The following GRM7 variants were observed in gnomAD, a reference collection of about 807,000 sequenced individuals.
GRM7 encodes glutamate metabotropic receptor 7, also known as metabotropic glutamate receptor 7.
In GRM7, 35 loss-of-function variants were observed where a neutral mutation model predicts 84.5. The observed-to-expected ratio is 0.41, with a 90% CI of 0.32 to 0.55. The LOEUF (loss-of-function observed/expected upper bound fraction) is 0.55, where lower values mean the gene tolerates loss of function less well. Ranked by LOEUF, GRM7 falls within the 20% of genes least tolerant of loss-of-function variation. The probability of loss-of-function intolerance (pLI) is 0.19; values close to 1 mark genes in which losing one functional copy is unlikely to be tolerated. For synonymous variants in GRM7, 487 were observed against 455.1 expected, an observed-to-expected ratio of 1.07 and a Z score of -0.89; for missense variants, 1,003 against 1,194.6, an observed-to-expected ratio of 0.84 and a Z score of 2.36.
intron 1 of GRM7, among the ~76,000 whole-genome samples, chr3:6,874,395 G>A (rs1052504900): frequency 6.6e-6 from 1 of 152,146 alleles, no homozygotes; most frequent in East Asian, 1.9e-4. Context: ...CCCCCAGTCA[G>A]AGCCAGCTCC....
intron 6 of GRM7, among the ~76,000 whole-genome samples, chr3:7,454,081 TACAC>T (rs141029901): frequency 7.0e-6 from 1 of 142,590 alleles, no homozygotes; most frequent in African/African-American, 2.7e-5. Context: ...CATGAAAAGC[TACAC>T]ACACACTCTC....
chr3:7,570,459 G>T (rs112110068), intron 7 of GRM7, among the ~76,000 whole-genome samples: 61 of 152,296 alleles, frequency 4.0e-4, no homozygotes, highest in African/African-American at 1.4e-3. Flanking sequence ...AGGGCCTCAT[G>T]CAAGTCCAAA....
At chr3:7,401,092 G>A (rs1695429264) in intron 4 of GRM7, among the ~76,000 whole-genome samples, 2 of 151,956 alleles carry the variant, frequency 1.3e-5, no homozygotes, top group Admixed American at 1.3e-4. Flanking sequence ...CTACCATGGG[G>A]CCTTTTGCTT....
Position 6,903,348 on chromosome 3 carries a change from ACTGC to A in GRM7, c.519+41445_519+41448del, listed in dbSNP as rs956879123. 2.6e-5 allele frequency among the ~76,000 whole-genome samples: 4 copies of A among 152,052 alleles called. No homozygotes were observed. In the East Asian group the frequency reaches 7.7e-4, roughly 29 times the overall value. ...ATTTATTTGTATGGATTTTTGAAAAACTGCCTGGATTGTTTTGTGATTCCTAATT... is the reference window on the plus strand; with the variant it reads ...ATTTATTTGTATGGATTTTTGAAAAACTGGATTGTTTTGTGATTCCTAATT... On this transcript the variant is annotated intron_variant, in intron 1 of 9. Coordinates refer to ENST00000357716, the MANE Select transcript of GRM7 (RefSeq NM_000844.4).
intron 2 of GRM7, among the ~76,000 whole-genome samples, chr3:7,208,074 A>T (rs1696297442): frequency 6.6e-6 from 1 of 152,208 alleles, no homozygotes; most frequent in Admixed American, 6.5e-5. Flanking sequence ...AGAAAAAGAC[A>T]TTAGTACTTT....
At chr3:7,454,107 C>A (rs1227568819) in intron 6 of GRM7, among the ~76,000 whole-genome samples, 137 of 152,050 alleles carry the variant, frequency 9.0e-4, no homozygotes, top group Middle Eastern at 3.4e-3. Context: ...CTCTCTCTCT[C>A]TCTCTCTCTC....
intron 1 of GRM7, among the ~76,000 whole-genome samples, chr3:6,908,221 A>C (rs1696646530): frequency 6.6e-6 from 1 of 152,168 alleles, no homozygotes; most frequent in African/African-American, 2.4e-5. Context: ...CTCTCTTTCT[A>C]ATGTAGGAAT....
At chr3:6,937,850 C>T (rs1473501110) in intron 1 of GRM7, among the ~76,000 whole-genome samples, 1 of 152,194 alleles carries the variant, frequency 6.6e-6, no homozygotes, top group Non-Finnish European at 1.5e-5. Context: ...TGATCATTAT[C>T]ATCAATAACA....
chr3:7,099,252 ATG>A (rs1698968904), intron 1 of GRM7, among the ~76,000 whole-genome samples: 1 of 135,168 alleles, frequency 7.4e-6, no homozygotes, highest in Non-Finnish European at 1.5e-5. Flanking sequence ...ATATGAATAC[ATG>A]TATTATACAT....
At chr3:7,433,531 A>G (rs1696919237) in intron 5 of GRM7, among the ~76,000 whole-genome samples, 1 of 152,190 alleles carries the variant, frequency 6.6e-6, no homozygotes, top group Non-Finnish European at 1.5e-5. Context: ...CAGACCAGTG[A>G]ATCCTGTCAT....
At chr3:6,888,801 G>A (rs1293019385) in intron 1 of GRM7, among the ~76,000 whole-genome samples, 5 of 152,054 alleles carry the variant, frequency 3.3e-5, no homozygotes, top group Non-Finnish European at 5.9e-5. Context: ...GGATGGCATT[G>A]AATCTATAAA....
intron 2 of GRM7, among the ~76,000 whole-genome samples, chr3:7,232,680 G>T (rs150710547): frequency 2.1e-3 from 317 of 152,254 alleles, no homozygotes; most frequent in African/African-American, 7.2e-3. Flanking sequence ...CACTGTGTCT[G>T]GTGCTTTACA....
intron 7 of GRM7, among the ~76,000 whole-genome samples, chr3:7,529,514 A>G (rs185135798): frequency 2.6e-5 from 4 of 152,250 alleles, no homozygotes; most frequent in East Asian, 1.9e-4. Context: ...GAGTAGAACT[A>G]TTGGGTCAAG....
At chr3:6,951,172 C>T (rs138278030) in intron 1 of GRM7, among the ~76,000 whole-genome samples, 573 of 152,286 alleles carry the variant, frequency 3.8e-3, no homozygotes, top group African/African-American at 0.013. Context: ...TCCTATTCGG[C>T]CATCTTGGCT....
intron 7 of GRM7, among the ~76,000 whole-genome samples, chr3:7,528,863 A>G (rs192662757): frequency 3.3e-5 from 5 of 151,970 alleles, no homozygotes; most frequent in Admixed American, 3.3e-4. Context: ...TTTTTATTCC[A>G]CTGTGATCTG....
intron 1 of GRM7, among the ~76,000 whole-genome samples, chr3:7,019,227 G>A (rs989384376): frequency 4.6e-5 from 7 of 152,098 alleles, no homozygotes; most frequent in South Asian, 2.1e-4. Context: ...AAAAACACAC[G>A]TACAGCCTCC....
chr3:7,360,774 G>A (rs1265299581), intron 4 of GRM7, among the ~76,000 whole-genome samples: 1 of 152,120 alleles, frequency 6.6e-6, no homozygotes, highest in Non-Finnish European at 1.5e-5. Context: ...TCATCAAAAT[G>A]TGATAAAGAA....
At chr3:7,484,000 G>A (rs1699230244) in intron 7 of GRM7, among the ~76,000 whole-genome samples, 1 of 152,004 alleles carries the variant, frequency 6.6e-6, no homozygotes, top group Non-Finnish European at 1.5e-5. Context: ...AATTGAATAT[G>A]CTTCTGTTAA....
chr3:7,686,309 G>T (rs372724408), intron 9 of GRM7: 22 of 787,952 alleles, frequency 2.8e-5, no homozygotes, highest in Non-Finnish European at 4.7e-5. Context: ...AAGTAATATT[G>T]TGTGCACATT....
Sources: gnomAD v4.1 joint callset for allele counts (sites outside exome capture counted in the v4.1 genomes callset) on GRCh38, gnomAD v4.1.1 for gene constraint, MANE v1.5 for transcripts, NCBI Gene and HGNC (gene_info 2026-07-23, HGNC 2026-07-21) for gene names.